DPP6: variants seen among roughly 807,000 people sequenced by gnomAD.
The protein encoded by DPP6 is dipeptidyl peptidase like 6, also known as A-type potassium channel modulatory protein DPP6.
In DPP6, 69 loss-of-function variants were observed where a neutral mutation model predicts 122.6. The ratio of observed to expected loss-of-function variants is 0.56; its 90% CI spans 0.46 to 0.69. DPP6 has a LOEUF of 0.69. DPP6 is among the 30% of genes least tolerant of loss of function. The pLI is 0.00. For missense variants in DPP6, 928 were observed against 1,116.9 expected (o/e 0.83, Z 2.41); for synonymous variants, 418 against 433.1 (o/e 0.97, Z 0.43).
intron 8 of DPP6, among the ~76,000 whole-genome samples, chr7:154,744,533 T>C (rs937704225): frequency 6.6e-6 from 1 of 152,240 alleles, no homozygotes. Flanking sequence ...GTGTGTGATA[T>C]GCAAATAACA....
upstream of DPP6, among the ~76,000 whole-genome samples, chr7:153,886,810 T>C (rs544688039): frequency 6.1e-4 from 93 of 152,248 alleles, no homozygotes; most frequent in South Asian, 6.2e-3. Flanking sequence ...TCGCCAGACT[T>C]GCGGGCGACG....
intron 1 of DPP6, among the ~76,000 whole-genome samples, chr7:154,370,587 T>C (rs1199654860): frequency 6.6e-6 from 1 of 152,224 alleles, no homozygotes; most frequent in African/African-American, 2.4e-5. Context: ...ATAACCTTTA[T>C]CTTTTTTGAA....
chr7:154,351,763 T>C (rs1203327360), intron 1 of DPP6, among the ~76,000 whole-genome samples: 4 of 152,154 alleles, frequency 2.6e-5, no homozygotes, highest in Admixed American at 2.0e-4. Flanking sequence ...AGCCTTGGAA[T>C]TGGAGCCAAG....
upstream of DPP6, among the ~76,000 whole-genome samples, chr7:154,049,941 G>T (rs781586788): frequency 1.9e-4 from 29 of 152,324 alleles, no homozygotes; most frequent in Middle Eastern, 3.4e-3. Flanking sequence ...AGGTGCAAGA[G>T]TATAGCCAAG....
chr7:154,791,336 C>T (rs1221917656), intron 10 of DPP6, among the ~76,000 whole-genome samples: 1 of 152,114 alleles, frequency 6.6e-6, no homozygotes, highest in Non-Finnish European at 1.5e-5. Flanking sequence ...GTTTCATAGA[C>T]TCAGTTCTAC....
At position 154,305,220 on chromosome 7, in the gene DPP6, T is replaced by G. The variant is rs1020708926; in HGVS notation, c.244-140994T>G. ...CGGTTGCTAAGCAGTTATCATTGTT[T>G]CTGTGGCGATTGCAGAGGCTGTTGC... On this transcript the variant is annotated intron_variant, in intron 1 of 25. Coordinates refer to ENST00000377770, the MANE Select transcript of DPP6 (RefSeq NM_130797.4). 1.4e-5 allele frequency: 17 copies of G among 1,181,866 alleles called. No individual in the cohort carries two copies. The East Asian group carries it at 6.8e-4, about 47-fold the overall frequency. 73.2% of individuals were successfully genotyped at this position (1,181,866 alleles called of 1,614,324 possible).
chr7:154,788,986 T>G (rs1291889148), intron 10 of DPP6, among the ~76,000 whole-genome samples: 1 of 152,224 alleles, frequency 6.6e-6, no homozygotes, highest in Non-Finnish European at 1.5e-5. Flanking sequence ...TCTTGGACTT[T>G]TAGAATTCTG....
At chr7:153,748,191 C>G in the DPP6 span, among the ~76,000 whole-genome samples, 2 of 152,254 alleles carry the variant, frequency 1.3e-5, no homozygotes, top group East Asian at 1.9e-4. Context: ...GCCCGGGTGC[C>G]GTCCCAGCTC....
At chr7:153,779,990 G>A in the DPP6 span, among the ~76,000 whole-genome samples, 7 of 151,670 alleles carry the variant, frequency 4.6e-5, no homozygotes, top group Admixed American at 3.3e-4. Context: ...TTACCCCAAT[G>A]CCAGTTGGGG....
chr7:154,779,151 C>G (rs1587115838), intron 10 of DPP6, among the ~76,000 whole-genome samples: 1 of 149,674 alleles, frequency 6.7e-6, no homozygotes. Context: ...ACCACCCCCA[C>G]CATCATCTCC....
At chr7:154,151,986 C>T (rs1796448020) in intron 1 of DPP6, among the ~76,000 whole-genome samples, 1 of 151,320 alleles carries the variant, frequency 6.6e-6, no homozygotes, top group Non-Finnish European at 1.5e-5. Context: ...CCTGGCACGG[C>T]CTTTCTTTCC....
intron 1 of DPP6, among the ~76,000 whole-genome samples, chr7:154,133,304 T>C (rs1003982041): frequency 6.6e-6 from 1 of 152,024 alleles, no homozygotes; most frequent in Non-Finnish European, 1.5e-5. Flanking sequence ...TCCACTGTTA[T>C]CCCACCTGAG....
At chr7:154,389,771 T>C (rs1814450179) in intron 1 of DPP6, among the ~76,000 whole-genome samples, 1 of 152,240 alleles carries the variant, frequency 6.6e-6, no homozygotes, top group Non-Finnish European at 1.5e-5. Context: ...GCCCATTTAA[T>C]TAAAACTCAC....
chr7:154,474,240 G>C (rs1234904549), intron 2 of DPP6, among the ~76,000 whole-genome samples: 1 of 152,178 alleles, frequency 6.6e-6, no homozygotes, highest in Non-Finnish European at 1.5e-5. Flanking sequence ...TGGAAATACA[G>C]GATAAAAGCT....
chr7:154,881,317 C>T (rs983314172), intron 21 of DPP6, among the ~76,000 whole-genome samples: 1 of 152,352 alleles, frequency 6.6e-6, no homozygotes, highest in Middle Eastern at 3.4e-3. Context: ...ACGTTAATTA[C>T]CATGTCTACT....
chr7:153,801,498 G>T, the DPP6 span, among the ~76,000 whole-genome samples: 1 of 152,120 alleles, frequency 6.6e-6, no homozygotes, highest in African/African-American at 2.4e-5. Context: ...TGGTCAAGCT[G>T]CCCAGCTGTG....
At chr7:154,507,450 G>T (rs1825748995) in intron 3 of DPP6, among the ~76,000 whole-genome samples, 1 of 152,048 alleles carries the variant, frequency 6.6e-6, no homozygotes, top group Non-Finnish European at 1.5e-5. Flanking sequence ...TCCCCGCCCT[G>T]ATATGCCCCA....
At chr7:154,532,113 T>G (rs2130128624) in intron 3 of DPP6, among the ~76,000 whole-genome samples, 1 of 152,184 alleles carries the variant, frequency 6.6e-6, no homozygotes, top group East Asian at 1.9e-4. Context: ...TCCATAAAAA[T>G]GACGTTTCAA....
chr7:154,454,816 G>A (rs572149950), intron 2 of DPP6, among the ~76,000 whole-genome samples: 37 of 152,314 alleles, frequency 2.4e-4, no homozygotes, highest in African/African-American at 8.4e-4. Context: ...TGGATATGTT[G>A]TATTAATATA....
Sources: gnomAD v4.1 joint callset for allele counts (sites outside exome capture counted in the v4.1 genomes callset) on GRCh38, gnomAD v4.1.1 for gene constraint, MANE v1.5 for transcripts, NCBI Gene and HGNC (gene_info 2026-07-23, HGNC 2026-07-21) for gene names.